Variants in ETV1 observed in about 807,000 individuals in gnomAD.
The protein encoded by ETV1 is ETS variant transcription factor 1, also known as ETS translocation variant 1.
ETV1 carries 27 observed loss-of-function variants against 62.3 expected under a neutral mutation model. The observed-to-expected ratio is 0.43, with a 90% CI of 0.32 to 0.60. The LOEUF is 0.60. ETV1 is among the 20% of genes least tolerant of loss of function. ETV1 has a pLI of 0.06. For missense variants in ETV1, 605 were observed against 605.8 expected (o/e 1.00, Z 0.01); for synonymous variants, 222 against 199.6 (o/e 1.11, Z -0.94).
At chr7:13,897,635 C>T (rs1469680732) in intron 13 of ETV1, among the ~76,000 whole-genome samples, 1 of 152,142 alleles carries the variant, frequency 6.6e-6, no homozygotes, top group African/African-American at 2.4e-5. Flanking sequence ...GCACAGAGCA[C>T]TGTGCCAGAA....
intron 9 of ETV1, 106 bp from the exon 10 acceptor site, chr7:13,911,413 CA>C: frequency 1.4e-6 from 1 of 717,392 alleles, no homozygotes; most frequent in South Asian, 1.6e-5. Context: ...ACACAGGTTC[CA>C]ATGTGGGGAA....
At chr7:13,982,394 G>T (rs1286294692) in intron 5 of ETV1, among the ~76,000 whole-genome samples, 2 of 151,640 alleles carry the variant, frequency 1.3e-5, no homozygotes, top group Non-Finnish European at 2.9e-5. Context: ...AGGATCCTCT[G>T]GAAAAACTAC....
intron 9 of ETV1, among the ~76,000 whole-genome samples, chr7:13,925,891 G>A (rs1325038427): frequency 6.6e-6 from 1 of 151,726 alleles, no homozygotes; most frequent in East Asian, 1.9e-4. Context: ...CATTCTGTTT[G>A]ATTAGGAAAG....
intron 9 of ETV1, among the ~76,000 whole-genome samples, chr7:13,924,442 A>G (rs1250760304): frequency 6.6e-6 from 1 of 152,216 alleles, no homozygotes; most frequent in Non-Finnish European, 1.5e-5. Context: ...AGAAAGCAGA[A>G]TGCATCTTCA....
In ETV1 at chr7:13,894,616, C is replaced by T; in HGVS notation, c.*1250G>A. On this transcript the variant is annotated 3_prime_UTR_variant, in exon 14 of 14. Transcript: ENST00000430479. ...TGCATAAAAGCTGCTTATAGCATAGCATGGCGTAAGCTATTTTTTAAGCAA... is the reference window on the plus strand; with the variant it reads ...TGCATAAAAGCTGCTTATAGCATAGTATGGCGTAAGCTATTTTTTAAGCAA... The T allele has an allele frequency of 4.3e-6, 1 of 232,564 alleles. No individual in the cohort carries two copies. Among genetic ancestry groups the T allele is most frequent in the Non-Finnish European group, 8.5e-6 (1 of 117,382 alleles). 14.4% of individuals were successfully genotyped at this position (232,564 alleles called of 1,614,324 possible).
chr7:13,900,459 G>A (rs1489495942), intron 13 of ETV1: 3 of 316,720 alleles, frequency 9.5e-6, no homozygotes, highest in South Asian at 1.5e-4. Flanking sequence ...GAAGACAGAT[G>A]TGCTATTAAT....
At chr7:13,963,666 A>T (rs1046765207) in intron 6 of ETV1, among the ~76,000 whole-genome samples, 1 of 152,132 alleles carries the variant, frequency 6.6e-6, no homozygotes, top group African/African-American at 2.4e-5. Context: ...TAAAATTCAG[A>T]TGTTTGTATA....
At position 13,977,482 on chromosome 7, in the gene ETV1, TGAA is replaced by T. The variant is rs1353687936; in HGVS notation, c.182-5_182-3del. ...GCTCATCATTGTCAGGTACCTGAGCTGAAGAAGAAAAAGAAAATTAAAAAAAAT... is the reference window on the plus strand; with the variant it reads ...GCTCATCATTGTCAGGTACCTGAGCTGAAGAAAAAGAAAATTAAAAAAAAT... On this transcript the variant is annotated splice_polypyrimidine_tract_variant and splice_region_variant and intron_variant, in intron 5 of 13. Coordinates refer to ENST00000430479, the MANE Select transcript of ETV1 (RefSeq NM_004956.5). 4.1e-5 allele frequency: 63 copies of T among 1,526,826 alleles called. No individual in the cohort carries two copies. The Middle Eastern group carries it at 8.7e-4, about 21-fold the overall frequency. 94.6% of individuals were successfully genotyped at this position (1,526,826 alleles called of 1,614,324 possible).
intron 12 of ETV1, among the ~76,000 whole-genome samples, chr7:13,904,519 C>T (rs1782755645): frequency 1.3e-5 from 2 of 152,134 alleles, no homozygotes; most frequent in Admixed American, 1.3e-4. Context: ...ATATAAAAAG[C>T]TTAATCATTT....
chr7:13,891,370 A>G lies in ETV1; in HGVS notation c.*4496T>C, dbSNP rs1781375585. On this transcript the variant is annotated 3_prime_UTR_variant, in exon 14 of 14. Transcript: ENST00000430479. The stretch of plus-strand genomic sequence containing the variant: ...GTGAATTAAAAATTTTCTTCCCCAT[A>G]GAAGCATAAATATAATTTTAGAATG... 1 of 231,386 alleles carries G rather than the reference A, an allele frequency of 4.3e-6. No individual in the cohort carries two copies. Among genetic ancestry groups the G allele is most frequent in the African/African-American group, 2.2e-5 (1 of 45,274 alleles). 14.3% of individuals were successfully genotyped at this position (231,386 alleles called of 1,614,324 possible). A position where few individuals can be genotyped will look rare whatever the true frequency, so the allele number is the denominator to read the frequency against.
At position 13,894,376 on chromosome 7, in the gene ETV1, A is replaced by C. The variant is rs1781595719; in HGVS notation, c.*1490T>G. On this transcript the variant is annotated 3_prime_UTR_variant, in exon 14 of 14. Transcript: ENST00000430479. Reference sequence around the variant, plus strand: ...ATGCAAAGCAAAAACAGAACAAAAAACTTTGAAACTTTAAATCTTCTTTCA... The same window carrying C: ...ATGCAAAGCAAAAACAGAACAAAAACCTTTGAAACTTTAAATCTTCTTTCA... The C allele has an allele frequency of 2.1e-5, 5 of 232,716 alleles. No individual in the cohort carries two copies. Among genetic ancestry groups the C allele is most frequent in the Non-Finnish European group, 4.3e-5 (5 of 117,498 alleles). 14.4% of individuals were successfully genotyped at this position (232,716 alleles called of 1,614,324 possible).
At chr7:13,948,295 C>A (rs1788403772) in intron 6 of ETV1, among the ~76,000 whole-genome samples, 1 of 152,328 alleles carries the variant, frequency 6.6e-6, no homozygotes, top group East Asian at 1.9e-4. Flanking sequence ...GCTTTCCTCC[C>A]AACTCTTGTC....
intron 6 of ETV1, among the ~76,000 whole-genome samples, chr7:13,953,358 C>A (rs770313329): frequency 5.1e-4 from 78 of 152,136 alleles, no homozygotes; most frequent in Non-Finnish European, 9.1e-4. Flanking sequence ...GAAATTGTCC[C>A]ACTTTGCTGT....
At chr7:13,928,953 G>A (rs1336995041) in intron 9 of ETV1, among the ~76,000 whole-genome samples, 4 of 152,104 alleles carry the variant, frequency 2.6e-5, no homozygotes, top group Admixed American at 1.3e-4. Flanking sequence ...GCGAGACTCC[G>A]TCTCAAAAAA....
chr7:13,941,513 T>C (rs1787501087), intron 6 of ETV1, among the ~76,000 whole-genome samples: 5 of 152,170 alleles, frequency 3.3e-5, no homozygotes, highest in Admixed American at 3.3e-4. Context: ...CGTTTGTCTA[T>C]GTGTCCTAAA....
chr7:13,915,757 AT>A (rs3839720), intron 9 of ETV1, among the ~76,000 whole-genome samples: 8,445 of 147,282 alleles, frequency 0.057, 263 homozygotes, highest in South Asian at 0.12. Flanking sequence ...AATGGAAATA[AT>A]TTTTTTTTTT....
chr7:13,985,333 C>CA (rs1205635585), intron 5 of ETV1: 1 of 151,912 alleles, frequency 6.6e-6, no homozygotes, highest in Non-Finnish European at 1.5e-5. Flanking sequence ...TAAATATAGC[C>CA]AAAACTTTCA....
At position 13,893,700 on chromosome 7, in the gene ETV1, A is replaced by C. The variant is rs539802213; in HGVS notation, c.*2166T>G. On this transcript the variant is annotated 3_prime_UTR_variant, in exon 14 of 14. Transcript: ENST00000430479. ...AGAATATATTTTAAAGACTCACTTAAATTTTCTCCTTCAATTTCACCAAAT... is the reference window on the plus strand; with the variant it reads ...AGAATATATTTTAAAGACTCACTTACATTTTCTCCTTCAATTTCACCAAAT... 1 of 232,842 alleles carries C rather than the reference A, an allele frequency of 4.3e-6. No individual in the cohort carries two copies. Among genetic ancestry groups the C allele is most frequent in the Non-Finnish European group, 8.5e-6 (1 of 117,594 alleles). 14.4% of individuals were successfully genotyped at this position (232,842 alleles called of 1,614,324 possible). A position where few individuals can be genotyped will look rare whatever the true frequency, so the allele number is the denominator to read the frequency against.
intron 12 of ETV1, among the ~76,000 whole-genome samples, chr7:13,901,433 G>C (rs944089512): frequency 9.2e-5 from 14 of 152,152 alleles, no homozygotes; most frequent in Non-Finnish European, 1.5e-4. Flanking sequence ...GAATGAACAG[G>C]CTACAGTTCA....
Sources: gnomAD v4.1 joint callset for allele counts (sites outside exome capture counted in the v4.1 genomes callset) on GRCh38, gnomAD v4.1.1 for gene constraint, MANE v1.5 for transcripts, NCBI Gene and HGNC (gene_info 2026-07-23, HGNC 2026-07-21) for gene names.